The following MAPKAP1 variants were observed in gnomAD, a reference collection of about 807,000 sequenced individuals.
MAPKAP1 encodes MAPK associated protein 1, also known as target of rapamycin complex 2 subunit MAPKAP1.
In MAPKAP1, 20 loss-of-function variants were observed where a neutral mutation model predicts 65.7. The observed-to-expected ratio is 0.30, with a 90% confidence interval of 0.21 to 0.44. MAPKAP1 has a LOEUF of 0.44. Among genes scored for constraint, MAPKAP1 ranks in the 20% least tolerant of loss-of-function variants. The probability of loss-of-function intolerance (pLI) is 1.00; values close to 1 mark genes in which losing one functional copy is unlikely to be tolerated. For missense variants in MAPKAP1, 423 were observed against 648.0 expected, an observed-to-expected ratio of 0.65 and a Z score of 3.77; for synonymous variants, 222 against 244.3, an observed-to-expected ratio of 0.91 and a Z score of 0.85.
In MAPKAP1 at chr9:125,657,787, T is replaced by G; in HGVS notation, c.362A>C (p.Lys121Thr). 6.2e-7 allele frequency: 1 copy of G among 1,613,830 alleles called. No individual in the cohort carries two copies. The highest frequency in any genetic ancestry group is 8.5e-7 in the Non-Finnish European group (1 of 1,179,832). Residue 121 changes from lysine to threonine, a missense_variant, in exon 4 of 12, where the codon AAG becomes ACG. By Grantham distance (78) the Lys-to-Thr change is moderately conservative. This residue lies in a region of MAPKAP1 where 67 missense variants were observed against 69.6 expected (regional missense o/e 0.96). Coordinates refer to ENST00000265960, the MANE Select transcript of MAPKAP1 (RefSeq NM_001006617.3). ...RNSKQSAQEL[K>T]SLFEKKSLKE... ...GAGAGATTTTTTTTCAAACAGTGACTTTAACTCCTGGGCTGTGATACAAGA... is the reference window on the plus strand; with the variant it reads ...GAGAGATTTTTTTTCAAACAGTGACGTTAACTCCTGGGCTGTGATACAAGA...
intron 10 of MAPKAP1, among the ~76,000 whole-genome samples, chr9:125,458,413 T>C (rs539476544): frequency 7.0e-4 from 107 of 152,092 alleles, no homozygotes; most frequent in African/African-American, 2.4e-3. Flanking sequence ...GGAGTGGTGA[T>C]GACTCTTAAC....
At chr9:125,667,918 T>A (rs1834387932) in intron 3 of MAPKAP1, among the ~76,000 whole-genome samples, 1 of 152,136 alleles carries the variant, frequency 6.6e-6, no homozygotes, top group African/African-American at 2.4e-5. Context: ...TTGTATTAAA[T>A]ACAACAAAGA....
chr9:125,444,549 G>A lies in MAPKAP1; in HGVS notation c.1395C>T (p.His465=). ...TAGCAGCGTCCGATTCAAAGTAGAG[G>A]TGTTTATAGTCGTGATTGCTTAGAT... The part of the protein sequence containing the change: ...LTYLSNHDYK[H]LYFESDAATV... The change falls in exon 11 of 12, where the codon CAC becomes CAT. Residue 465 remains histidine, a synonymous_variant. Coordinates refer to ENST00000265960, the MANE Select transcript of MAPKAP1 (RefSeq NM_001006617.3). The A allele has an allele frequency of 1.2e-6, 2 of 1,613,978 alleles. No individual in the cohort carries two copies. Among genetic ancestry groups the A allele is most frequent in the South Asian group, 1.1e-5 (1 of 91,048 alleles).
intron 9 of MAPKAP1, among the ~76,000 whole-genome samples, chr9:125,470,814 A>C (rs996026748): frequency 6.6e-6 from 1 of 152,198 alleles, no homozygotes; most frequent in African/African-American, 2.4e-5. Flanking sequence ...AAAAAGTTGC[A>C]TGTGAATCAG....
At chr9:125,650,196 T>C (rs1318341434) in intron 4 of MAPKAP1, among the ~76,000 whole-genome samples, 1 of 152,168 alleles carries the variant, frequency 6.6e-6, no homozygotes, top group East Asian at 1.9e-4. Flanking sequence ...GCAAAAAATG[T>C]CTTGATTAGT....
chr9:125,585,448 A>C, intron 5 of MAPKAP1, 107 bp downstream of exon 5: 4 of 1,200,840 alleles, frequency 3.3e-6, no homozygotes, highest in Non-Finnish European at 4.8e-6. Flanking sequence ...ATCAGTGCAG[A>C]AGTGTGGTTC....
chr9:125,617,873 T>C (rs1832789687), intron 4 of MAPKAP1, among the ~76,000 whole-genome samples: 1 of 152,154 alleles, frequency 6.6e-6, no homozygotes, highest in Non-Finnish European at 1.5e-5. Context: ...ATATTCTTCC[T>C]CCCAAAACGG....
At chr9:125,480,030 G>A (rs1452532645) in intron 9 of MAPKAP1, among the ~76,000 whole-genome samples, 2 of 152,172 alleles carry the variant, frequency 1.3e-5, no homozygotes, top group African/African-American at 2.4e-5. Flanking sequence ...TACTCATACA[G>A]GGTGTGCTGT....
At chr9:125,468,870 G>T (rs1016559165) in intron 9 of MAPKAP1, among the ~76,000 whole-genome samples, 1 of 152,160 alleles carries the variant, frequency 6.6e-6, no homozygotes, top group African/African-American at 2.4e-5. Context: ...AAGACAACAC[G>T]TTGTATAGTG....
intron 4 of MAPKAP1, among the ~76,000 whole-genome samples, chr9:125,606,240 G>A (rs979456938): frequency 6.6e-6 from 1 of 152,164 alleles, no homozygotes; most frequent in East Asian, 1.9e-4. Context: ...GAGGCGGGGG[G>A]AAGAAAGAAG....
At chr9:125,623,012 G>A (rs986368528) in intron 4 of MAPKAP1, among the ~76,000 whole-genome samples, 13 of 151,880 alleles carry the variant, frequency 8.6e-5, no homozygotes, top group South Asian at 2.1e-4. Flanking sequence ...TGGCCGGGCC[G>A]GTCTCCAGCC....
chr9:125,502,042 T>A (rs1215933946), intron 8 of MAPKAP1, among the ~76,000 whole-genome samples: 5 of 152,126 alleles, frequency 3.3e-5, no homozygotes, highest in Non-Finnish European at 1.5e-5. Flanking sequence ...TTCAGGTTTT[T>A]CTATTTTTCA....
intron 4 of MAPKAP1, among the ~76,000 whole-genome samples, chr9:125,640,328 C>T (rs1219620592): frequency 6.6e-6 from 1 of 152,028 alleles, no homozygotes; most frequent in Non-Finnish European, 1.5e-5. Flanking sequence ...TGGTCTCGAT[C>T]TTCTGACCTC....
chr9:125,661,159 C>T (rs1457374778), intron 3 of MAPKAP1, among the ~76,000 whole-genome samples: 1 of 152,152 alleles, frequency 6.6e-6, no homozygotes, highest in African/African-American at 2.4e-5. Flanking sequence ...CAAATTAAAA[C>T]TACATTTCAT....
At chr9:125,525,736 CA>C (rs1395667334) in intron 7 of MAPKAP1, among the ~76,000 whole-genome samples, 2 of 151,344 alleles carry the variant, frequency 1.3e-5, no homozygotes, top group Non-Finnish European at 2.9e-5. Context: ...GTAACAGGAG[CA>C]GGGGTGGAAC....
chr9:125,674,362 G>A (rs1834584386), intron 1 of MAPKAP1, among the ~76,000 whole-genome samples: 1 of 152,128 alleles, frequency 6.6e-6, no homozygotes, highest in Admixed American at 6.5e-5. Flanking sequence ...TAAGTTCGTG[G>A]CACATAAAAT....
chr9:125,612,092 A>G (rs1218351994), intron 4 of MAPKAP1, among the ~76,000 whole-genome samples: 1 of 152,218 alleles, frequency 6.6e-6, no homozygotes, highest in Non-Finnish European at 1.5e-5. Context: ...CATGCTCCAA[A>G]GGAAATGCTT....
intron 4 of MAPKAP1, among the ~76,000 whole-genome samples, chr9:125,634,517 A>G (rs1833371318): frequency 6.6e-6 from 1 of 152,218 alleles, no homozygotes; most frequent in Non-Finnish European, 1.5e-5. Flanking sequence ...GGAGTCTCAT[A>G]AAACACATGA....
At chr9:125,535,183 A>G (rs770756783) in intron 7 of MAPKAP1, among the ~76,000 whole-genome samples, 37 of 152,124 alleles carry the variant, frequency 2.4e-4, no homozygotes, top group Admixed American at 1.3e-4. Flanking sequence ...ATGTTTTGTG[A>G]CTACATCTCA....
Sources: allele counts gnomAD v4.1 joint callset (sites outside exome capture counted in the v4.1 genomes callset), GRCh38; gene constraint gnomAD v4.1.1; regional missense constraint gnomAD v4.1.1; transcripts MANE v1.5; gene names NCBI Gene and HGNC (gene_info 2026-07-23, HGNC 2026-07-21).